NAV2: variants seen among roughly 807,000 people sequenced by gnomAD.
NAV2 encodes neuron navigator 2, also known as helicase, APC down-regulated 1.
NAV2 carries 54 observed loss-of-function variants against 223.2 expected under a neutral mutation model. The observed-to-expected ratio is 0.24, with a 90% CI of 0.19 to 0.30. The LOEUF (loss-of-function observed/expected upper bound fraction) is 0.30. NAV2 is among the 10% of genes least tolerant of loss of function. NAV2 has a pLI of 1.00. For synonymous variants in NAV2, 1,279 were observed against 1,239.3 expected (o/e 1.03, Z -0.67); for missense variants, 2,806 against 3,147.5 (o/e 0.89, Z 2.60).
At chr11:20,010,284 T>C (rs2053457411) in intron 11 of NAV2, among the ~76,000 whole-genome samples, 2 of 152,010 alleles carry the variant, frequency 1.3e-5, no homozygotes, top group South Asian at 4.1e-4. Context: ...GGGGGGAAAA[T>C]GGAATTGGTT....
At chr11:19,485,759 A>G (rs2042424173) in intron 1 of NAV2, among the ~76,000 whole-genome samples, 1 of 152,130 alleles carries the variant, frequency 6.6e-6, no homozygotes. Context: ...GAAAGAGACC[A>G]AGAGCTAGTG....
chr11:19,665,605 A>G (rs2048389906), intron 1 of NAV2, among the ~76,000 whole-genome samples: 1 of 152,196 alleles, frequency 6.6e-6, no homozygotes, highest in Non-Finnish European at 1.5e-5. Context: ...GCCCTAAGAG[A>G]CTGTAGATGC....
At chr11:20,058,224 A>G (rs1484662579) in intron 19 of NAV2, among the ~76,000 whole-genome samples, 3 of 152,236 alleles carry the variant, frequency 2.0e-5, no homozygotes, top group African/African-American at 2.4e-5. Flanking sequence ...ACCTCCTTGT[A>G]ATAATCAGTT....
intron 1 of NAV2, among the ~76,000 whole-genome samples, chr11:19,613,197 A>T (rs571240255): frequency 6.6e-6 from 1 of 152,160 alleles, no homozygotes; most frequent in Non-Finnish European, 1.5e-5. Context: ...ATTCTGGGAG[A>T]TGCAATTCAA....
chr11:19,401,482 GA>G (rs1179135818), intron 1 of NAV2, among the ~76,000 whole-genome samples: 3 of 152,194 alleles, frequency 2.0e-5, no homozygotes, highest in African/African-American at 7.2e-5. Flanking sequence ...GCACATTTAT[GA>G]AATCACAACT....
intron 1 of NAV2, among the ~76,000 whole-genome samples, chr11:19,410,357 G>A (rs536487815): frequency 8.5e-5 from 13 of 152,088 alleles, no homozygotes; most frequent in Non-Finnish European, 1.5e-4. Context: ...ATAATGTTAA[G>A]TGTGCCCTGC....
intron 1 of NAV2, among the ~76,000 whole-genome samples, chr11:19,686,729 G>T (rs116698569): frequency 6.6e-6 from 1 of 152,150 alleles, no homozygotes; most frequent in Admixed American, 6.5e-5. Context: ...GAGGAGGCCC[G>T]GATTATCACT....
chr11:19,889,768 A>G (rs2041335450), intron 5 of NAV2, among the ~76,000 whole-genome samples: 1 of 152,216 alleles, frequency 6.6e-6, no homozygotes, highest in African/African-American at 2.4e-5. Context: ...AGTGGAGCCC[A>G]CAGATACCCC....
At chr11:19,977,187 G>A (rs1171926873) in intron 10 of NAV2, among the ~76,000 whole-genome samples, 1 of 152,294 alleles carries the variant, frequency 6.6e-6, no homozygotes, top group East Asian at 1.9e-4. Context: ...GGGTCTGTCC[G>A]AAGAATTGCC....
At chr11:19,394,191 C>G (rs770914567) in intron 1 of NAV2, among the ~76,000 whole-genome samples, 1 of 152,124 alleles carries the variant, frequency 6.6e-6, no homozygotes, top group Admixed American at 6.5e-5. Flanking sequence ...ATCCTGGATG[C>G]TTTTGGCCCA....
Position 19,500,312 on chromosome 11 carries a change from A to C in NAV2, c.75+149285A>C, listed in dbSNP as rs542488305. ...CATAAGAGTGAGCTGAGCCACAGCC[A>C]GCAGTGTCCAGCCACACTCACCCAA... On this transcript the variant is annotated intron_variant, in intron 1 of 37. Coordinates refer to the NAV2 transcript ENST00000360655. Among the ~76,000 whole-genome samples the C allele has an allele frequency of 1.2e-4, 18 of 152,236 alleles. No individual in the cohort carries two copies. The South Asian group carries it at 3.5e-3, about 30-fold the overall frequency.
At position 19,879,942 on chromosome 11, in the gene NAV2, G is replaced by A. The variant is rs893939417; in HGVS notation, c.585G>A (p.Gln195=). Residue 195 remains glutamine (Q), a synonymous_variant, in exon 5 of 38, where the codon CAG becomes CAA. Coordinates refer to ENST00000349880, the MANE Select transcript of NAV2 (RefSeq NM_145117.5). ...TCTCCCGATACAAGCAGCAGCAGCA[G>A]CAGCCCCAGAAGCAGCACCTCTCCT... ...FSLSRYKQQQ[Q]QPQKQHLSSP... The A allele has an allele frequency of 6.2e-7, 1 of 1,613,504 alleles. No homozygotes were observed. Among genetic ancestry groups the A allele is most frequent in the Non-Finnish European group, 8.5e-7 (1 of 1,180,016 alleles).
chr11:19,812,255 C>G (rs759655965), intron 1 of NAV2, among the ~76,000 whole-genome samples: 17 of 151,998 alleles, frequency 1.1e-4, no homozygotes, highest in Non-Finnish European at 2.1e-4. Flanking sequence ...AGAACCACCC[C>G]CTGAGCCTTT....
At chr11:20,093,275 A>T in intron 29 of NAV2, 76 bp downstream of exon 29, 1 of 960,694 alleles carries the variant, frequency 1.0e-6, no homozygotes, top group Admixed American at 1.8e-5. Flanking sequence ...TCTAATTGTA[A>T]AACCTCTATC....
At chr11:19,628,267 G>A (rs1383886949) in intron 1 of NAV2, among the ~76,000 whole-genome samples, 1 of 152,188 alleles carries the variant, frequency 6.6e-6, no homozygotes, top group Non-Finnish European at 1.5e-5. Flanking sequence ...AATGGGAAAG[G>A]GAGAATGTTC....
chr11:19,770,567 C>T (rs371136588), intron 1 of NAV2, among the ~76,000 whole-genome samples: 6 of 152,176 alleles, frequency 3.9e-5, no homozygotes, highest in African/African-American at 1.4e-4. Context: ...ATTCCAGAGG[C>T]ACCTGGCAAC....
intron 10 of NAV2, among the ~76,000 whole-genome samples, chr11:19,951,388 T>C (rs1397157003): frequency 6.6e-6 from 1 of 151,892 alleles, no homozygotes; most frequent in African/African-American, 2.4e-5. Flanking sequence ...CATCCTTTTT[T>C]TTCTAGTTTT....
intron 1 of NAV2, among the ~76,000 whole-genome samples, chr11:19,624,209 G>C (rs1450875495): frequency 1.3e-5 from 2 of 152,186 alleles, no homozygotes; most frequent in Non-Finnish European, 2.9e-5. Flanking sequence ...AGGCTACTCG[G>C]GGGTCAGGGG....
At chr11:20,112,444 T>C (rs112843973) in intron 36 of NAV2, among the ~76,000 whole-genome samples, 50 of 152,078 alleles carry the variant, frequency 3.3e-4, no homozygotes, top group African/African-American at 1.1e-3. Flanking sequence ...TAGCCACGAA[T>C]ACAGAGAGAT....
Sources: gnomAD v4.1 joint callset for allele counts (sites outside exome capture counted in the v4.1 genomes callset) on GRCh38, gnomAD v4.1.1 for gene constraint, MANE v1.5 for transcripts, NCBI Gene and HGNC (gene_info 2026-07-23, HGNC 2026-07-21) for gene names.